COL9A2: variants seen among roughly 807,000 people sequenced by gnomAD.
COL9A2 encodes the protein collagen alpha-2(IX) chain.
Under a neutral mutation model 111.6 loss-of-function variants are expected in COL9A2, and 66 were observed. That is an observed-to-expected ratio of 0.59 (90% CI 0.48 to 0.73). The LOEUF (loss-of-function observed/expected upper bound fraction) is 0.73. Among genes scored for constraint, COL9A2 ranks in the 30% least tolerant of loss-of-function variants. The probability of loss-of-function intolerance (pLI) is 0.00; values close to 1 mark genes in which losing one functional copy is unlikely to be tolerated. For missense variants in COL9A2, 881 were observed against 954.1 expected (o/e 0.92, Z 1.01); for synonymous variants, 353 against 364.1 (o/e 0.97, Z 0.35).
At chr1:40,306,944 A>G (rs1309042862) in intron 19 of COL9A2, among the ~76,000 whole-genome samples, 1 of 151,032 alleles carries the variant, frequency 6.6e-6, no homozygotes, top group African/African-American at 2.4e-5. Flanking sequence ...TCCTGGGCTC[A>G]AGCAATTCTC....
At position 40,315,266 on chromosome 1, in the gene COL9A2, C is replaced by T. The variant is rs1644199289; in HGVS notation, c.150+324G>A. On this transcript the variant is annotated intron_variant, in intron 2 of 31. Transcript: ENST00000372748. ...AAGAAGCGTCCAGATGTGCCAGAGG[C>T]AGGGTGAGGGGTTGAGTCGCCTCCT... The T allele has an allele frequency of 2.6e-6, 3 of 1,159,992 alleles. No homozygotes were observed. In the African/African-American group the frequency reaches 4.8e-5, roughly 19 times the overall value. The allele number at this position is 1,159,992 out of a possible 1,614,324, so 71.9% of individuals were successfully genotyped here. A position where few individuals can be genotyped will look rare whatever the true frequency, so the allele number is the denominator to read the frequency against.
At chr1:40,308,103 C>T (rs748438129) in intron 17 of COL9A2, 89 bp downstream of exon 17, 5 of 1,334,050 alleles carry the variant, frequency 3.7e-6, no homozygotes, top group Non-Finnish European at 5.4e-6. Context: ...AGAGTTCAGA[C>T]TAGCATCCCA....
chr1:40,317,027 G>T lies in COL9A2; in HGVS notation c.75+96C>A. On this transcript the variant is annotated intron_variant, in intron 1 of 31. Transcript: ENST00000372748. This position sits in a 1 kb window ranked among gnomAD's most constrained non-coding sequence, Gnocchi z 4.3. ...TCCTCAGGTGGCCTCTCGGGCTAGG[G>T]GTGTCAGTAGGCGCGGGACACAGGC... 1 of 1,266,012 alleles carries T rather than the reference G, an allele frequency of 7.9e-7. No individual in the cohort carries two copies. Among genetic ancestry groups the T allele is most frequent in the Non-Finnish European group, 1.1e-6 (1 of 887,376 alleles). The allele number at this position is 1,266,012 out of a possible 1,614,324, so 78.4% of individuals were successfully genotyped here.
chr1:40,301,134 T>G lies in COL9A2; in HGVS notation c.*48A>C, dbSNP rs778302764. Reference sequence around the variant, plus strand: ...GGTGCATGTCCACCCAGAGGGGACCTGGTCCTTCCCGCCAGGATGCCTGCC... The same window carrying G: ...GGTGCATGTCCACCCAGAGGGGACCGGGTCCTTCCCGCCAGGATGCCTGCC... On this transcript the variant is annotated 3_prime_UTR_variant, in exon 32 of 32. Coordinates refer to ENST00000372748, the MANE Select transcript of COL9A2 (RefSeq NM_001852.4). 1.2e-6 allele frequency: 2 copies of G among 1,603,104 alleles called. No homozygotes were observed. Among genetic ancestry groups the G allele is most frequent in the Non-Finnish European group, 1.7e-6 (2 of 1,172,268 alleles).
Position 40,305,916 on chromosome 1 carries a change from AT to A in COL9A2, c.1054-149del, listed in dbSNP as rs1391273892. The A allele has an allele frequency of 4.5e-5, 38 of 846,754 alleles. No individual in the cohort carries two copies. In the East Asian group the frequency reaches 6.5e-4, roughly 15 times the overall value. The allele number at this position is 846,754 out of a possible 1,614,324, so 52.5% of individuals were successfully genotyped here. A position where few individuals can be genotyped will look rare whatever the true frequency, so the allele number is the denominator to read the frequency against. On this transcript the variant is annotated intron_variant, in intron 20 of 31. Transcript: ENST00000372748. Reference sequence around the variant, plus strand: ...CTTGGTTCAATCCTCTTGGCTCCTGATTTTCCTGTTTGTTTCTCCTCTGGAT... The same window carrying A: ...CTTGGTTCAATCCTCTTGGCTCCTGATTTCCTGTTTGTTTCTCCTCTGGAT...
In COL9A2 at chr1:40,310,329, GA is replaced by G. The variant is rs756743240; in HGVS notation, c.685-13del. The G allele has an allele frequency of 1.9e-6, 3 of 1,613,898 alleles. No individual in the cohort carries two copies. The highest frequency in any genetic ancestry group is 4.5e-5 in the East Asian group (2 of 44,852). ...ATGCCCTGGGGACCCTGTTGAGAAAGAAAAATGACAGCAATGGCAATTGCAA... is the reference window on the plus strand; with the variant it reads ...ATGCCCTGGGGACCCTGTTGAGAAAGAAAATGACAGCAATGGCAATTGCAA... On this transcript the variant is annotated splice_polypyrimidine_tract_variant and intron_variant, in intron 13 of 31. Coordinates refer to ENST00000372748, the MANE Select transcript of COL9A2 (RefSeq NM_001852.4). This position sits in a 1 kb window ranked among gnomAD's most constrained non-coding sequence, Gnocchi z 4.9.
intron 20 of COL9A2, 148 bp downstream of exon 20, chr1:40,305,995 G>A: frequency 1.1e-6 from 1 of 902,680 alleles, no homozygotes; most frequent in Non-Finnish European, 1.8e-6. Context: ...GTGCATGATG[G>A]GTGGGAGGTG....
Position 40,311,449 on chromosome 1 carries a change from T to G in COL9A2, c.519+51A>C. Reference sequence around the variant, plus strand: ...ATCTCCGTGGCCCCGCCTCCCCATCTCTGTGGCCCCGCCCCCCTGTGTTAG... The same window carrying G: ...ATCTCCGTGGCCCCGCCTCCCCATCGCTGTGGCCCCGCCCCCCTGTGTTAG... On this transcript the variant is annotated intron_variant, in intron 10 of 31. Transcript: ENST00000372748. The surrounding 1 kb of genome is among the most constrained non-coding windows in gnomAD (Gnocchi z 5.1). The G allele has an allele frequency of 7.7e-7, 1 of 1,302,572 alleles. No individual in the cohort carries two copies. The highest frequency in any genetic ancestry group is 1.1e-6 in the Non-Finnish European group (1 of 910,042). 80.7% of individuals were successfully genotyped at this position (1,302,572 alleles called of 1,614,324 possible). A position where few individuals can be genotyped will look rare whatever the true frequency, so the allele number is the denominator to read the frequency against.
Position 40,312,789 on chromosome 1 carries a change from G to T in COL9A2, c.250-5C>A. ...CCCCTTGGCTCCAGTTAAACCCTGG[G>T]GAAGAATGAAAATGTAGGATCAATG... On this transcript the variant is annotated splice_polypyrimidine_tract_variant and splice_region_variant and intron_variant, in intron 4 of 31. Transcript: ENST00000372748. This position sits in a 1 kb window ranked among gnomAD's most constrained non-coding sequence, Gnocchi z 6.0. The T allele has an allele frequency of 7.1e-6, 11 of 1,550,852 alleles. No individual in the cohort carries two copies. Among genetic ancestry groups the T allele is most frequent in the Non-Finnish European group, 9.6e-6 (11 of 1,146,854 alleles).
Position 40,304,136 on chromosome 1 carries a change from C to T in COL9A2, c.1288-37G>A, listed in dbSNP as rs200009907. 1.1e-3 allele frequency: 1,654 copies of T among 1,531,224 alleles called. 1 individual carries two copies. Among genetic ancestry groups the T allele is most frequent in the Admixed American group, 2.2e-3 (108 of 50,168 alleles). 94.9% of individuals were successfully genotyped at this position (1,531,224 alleles called of 1,614,324 possible). ...GGGCAGTGAGGGGTTTGGCGAGCTC[C>T]CCCCTCCACGGGGTCCCCCACCTAA... On this transcript the variant is annotated intron_variant, in intron 24 of 31. Coordinates refer to ENST00000372748, the MANE Select transcript of COL9A2 (RefSeq NM_001852.4).
At chr1:40,305,578 A>G in intron 21 of COL9A2, 137 bp downstream of exon 21, 1 of 805,002 alleles carries the variant, frequency 1.2e-6, no homozygotes, top group South Asian at 1.5e-5. Context: ...AAACAGGCCC[A>G]GGGAGGAGAA....
chr1:40,312,115 G>A lies in COL9A2; in HGVS notation c.364-3C>T. On this transcript the variant is annotated splice_polypyrimidine_tract_variant and splice_region_variant and intron_variant, in intron 7 of 31. Coordinates refer to ENST00000372748, the MANE Select transcript of COL9A2 (RefSeq NM_001852.4). The surrounding 1 kb of genome is among the most constrained non-coding windows in gnomAD (Gnocchi z 6.0). Reference sequence around the variant, plus strand: ...AGGCCAACAGGTCCAGGAGGCCCCTGGGGAGCAGAGAGTTGATGGTCAGGA... The same window carrying A: ...AGGCCAACAGGTCCAGGAGGCCCCTAGGGAGCAGAGAGTTGATGGTCAGGA... The A allele has an allele frequency of 6.3e-7, 1 of 1,599,712 alleles. No individual in the cohort carries two copies. The highest frequency in any genetic ancestry group is 8.5e-7 in the Non-Finnish European group (1 of 1,174,876).
intron 16 of COL9A2, among the ~76,000 whole-genome samples, chr1:40,309,674 TCACA>T (rs368647134): frequency 6.6e-6 from 1 of 150,750 alleles, no homozygotes; most frequent in East Asian, 1.9e-4. Flanking sequence ...ACACTCACAG[TCACA>T]CACACACACT....
Position 40,300,937 on chromosome 1 carries a change from T to C in COL9A2, c.*245A>G. On this transcript the variant is annotated 3_prime_UTR_variant, in exon 32 of 32. Coordinates refer to ENST00000372748, the MANE Select transcript of COL9A2 (RefSeq NM_001852.4). This position sits in a 1 kb window ranked among gnomAD's most constrained non-coding sequence, Gnocchi z 4.4. The stretch of plus-strand genomic sequence containing the variant: ...GCTCGCTGGAAGGAAAGCCGCCCTA[T>C]TCCTTCAGCGCTTCGACTCCATCGA... 1 of 520,766 alleles carries C rather than the reference T, an allele frequency of 1.9e-6. No homozygotes were observed. The highest frequency in any genetic ancestry group is 3.5e-6 in the Non-Finnish European group (1 of 289,444). The allele number at this position is 520,766 out of a possible 1,614,324, so 32.3% of individuals were successfully genotyped here.
Position 40,306,199 on chromosome 1 carries a change from A to C in COL9A2, c.1009-12T>G, listed in dbSNP as rs200570244. 1.7e-4 allele frequency: 271 copies of C among 1,614,162 alleles called. 2 individuals are homozygous for C. In the African/African-American group the frequency reaches 3.3e-3, roughly 19 times the overall value. ...TGGCCTGGCACACCCTGCAGAAAGA[A>C]GTTGAAGTCAGTTTCTGCCCTGGCA... is the stretch of plus-strand genomic sequence containing the variant. On this transcript the variant is annotated splice_polypyrimidine_tract_variant and intron_variant, in intron 19 of 31. Transcript: ENST00000372748.
chr1:40,303,940 C>T lies in COL9A2; in HGVS notation c.1356G>A (p.Glu452=). Residue 452 remains glutamate, a synonymous_variant, in exon 26 of 32, where the codon GAG becomes GAA. Transcript: ENST00000372748. This position sits in a 1 kb window ranked among gnomAD's most constrained non-coding sequence, Gnocchi z 4.6. ...GDPGVAGLPG[E]KGEKGESGEP... ...GCCGCGCGCTCACCTTCTCGCCTTTCTCTCCGGGGAGGCCGGCCACCCCTG... is the reference window on the plus strand; with the variant it reads ...GCCGCGCGCTCACCTTCTCGCCTTTTTCTCCGGGGAGGCCGGCCACCCCTG... 6.4e-7 allele frequency: 1 copy of T among 1,558,564 alleles called. No individual in the cohort carries two copies. The highest frequency in any genetic ancestry group is 8.7e-7 in the Non-Finnish European group (1 of 1,150,736).
intron 22 of COL9A2, 69 bp downstream of exon 22, chr1:40,304,725 G>T: frequency 6.9e-7 from 1 of 1,453,164 alleles, no homozygotes; most frequent in Non-Finnish European, 9.4e-7. Context: ...GCACGGAGCA[G>T]ATGCTGTATC....
At position 40,300,949 on chromosome 1, in the gene COL9A2, TTCGACTCCA is replaced by T. The variant is rs1197910437; in HGVS notation, c.*224_*232del. The T allele has an allele frequency of 3.7e-6, 2 of 545,604 alleles. No individual in the cohort carries two copies. The highest frequency in any genetic ancestry group is 1.9e-5 in the African/African-American group (1 of 53,090). The allele number at this position is 545,604 out of a possible 1,614,324, so 33.8% of individuals were successfully genotyped here. A position where few individuals can be genotyped will look rare whatever the true frequency, so the allele number is the denominator to read the frequency against. ...GAAAGCCGCCCTATTCCTTCAGCGC[TTCGACTCCA>T]TCGACACCACTTGCCCTGTGTGTTG... is the stretch of plus-strand genomic sequence containing the variant. On this transcript the variant is annotated 3_prime_UTR_variant, in exon 32 of 32. Transcript: ENST00000372748. This position sits in a 1 kb window ranked among gnomAD's most constrained non-coding sequence, Gnocchi z 4.4.
chr1:40,313,780 T>G (rs1413771664), intron 4 of COL9A2, among the ~76,000 whole-genome samples: 1 of 152,110 alleles, frequency 6.6e-6, no homozygotes, highest in Non-Finnish European at 1.5e-5. Context: ...CCCTGGGAGC[T>G]CTGTGGTATC....
Sources: allele counts gnomAD v4.1 joint callset (sites outside exome capture counted in the v4.1 genomes callset), GRCh38; gene constraint gnomAD v4.1.1; non-coding constraint Gnocchi (gnomAD v3.1); transcripts MANE v1.5; gene names NCBI Gene and HGNC (gene_info 2026-07-23, HGNC 2026-07-21).